SYNJ2: variants seen among roughly 807,000 people sequenced by gnomAD.
SYNJ2 encodes the protein synaptojanin 2.
SYNJ2 carries 116 observed loss-of-function variants against 141.3 expected under a neutral mutation model. The ratio of observed to expected loss-of-function variants is 0.82; its 90% confidence interval spans 0.71 to 0.96. The LOEUF is 0.96. Among genes scored for constraint, SYNJ2 ranks in the 40% least tolerant of loss-of-function variants. The pLI is 0.00. For missense variants in SYNJ2, 1,873 were observed against 1,934.8 expected (o/e 0.97, Z 0.60); for synonymous variants, 745 against 777.7 (o/e 0.96, Z 0.70).
At chr6:158,061,253 A>G (rs539134904) in intron 7 of SYNJ2, among the ~76,000 whole-genome samples, 10 of 152,364 alleles carry the variant, frequency 6.6e-5, no homozygotes, top group African/African-American at 2.2e-4. Context: ...GCATGAGTGC[A>G]GGGTGAGAGG....
Position 158,070,156 on chromosome 6 carries a change from C to A in SYNJ2, c.1940+483C>A. On this transcript the variant is annotated intron_variant, in intron 14 of 26. Transcript: ENST00000355585. The surrounding 1 kb of genome is among the most constrained non-coding windows in gnomAD (Gnocchi z 4.0). Reference sequence around the variant, plus strand: ...AGAAAGGGGGCGAGCTTAGGGGCGGCATTCCTCTTGGGGTGTGGGTGTGGG... The same window carrying A: ...AGAAAGGGGGCGAGCTTAGGGGCGGAATTCCTCTTGGGGTGTGGGTGTGGG... The A allele has an allele frequency of 1.0e-6, 1 of 985,850 alleles. No homozygotes were observed. The allele number at this position is 985,850 out of a possible 1,614,324, so 61.1% of individuals were successfully genotyped here.
intron 6 of SYNJ2, among the ~76,000 whole-genome samples, chr6:158,057,765 CGGT>C (rs1562364905): frequency 6.6e-6 from 1 of 152,182 alleles, no homozygotes; most frequent in East Asian, 1.9e-4. Flanking sequence ...TGTGTGGCCA[CGGT>C]GGGCTCCCTC....
In SYNJ2 at chr6:158,083,996, C is replaced by T. The variant is rs1782873928; in HGVS notation, c.3035-5C>T. On this transcript the variant is annotated splice_region_variant and splice_polypyrimidine_tract_variant and intron_variant, in intron 21 of 26. Transcript: ENST00000355585. ...CCCGAATTGTGATTCATTTCCTTCT[C>T]CCAGGGGATATTCTTGAAGACGATG... 6 of 1,614,000 alleles carry T rather than the reference C, an allele frequency of 3.7e-6. No homozygotes were observed. In the East Asian group the frequency reaches 1.1e-4, roughly 30 times the overall value.
At chr6:158,089,331 C>A (rs1262117788) in intron 24 of SYNJ2, among the ~76,000 whole-genome samples, 1 of 151,990 alleles carries the variant, frequency 6.6e-6, no homozygotes, top group African/African-American at 2.4e-5. Flanking sequence ...TAGGGGGAAA[C>A]TGCTATGACC....
chr6:157,991,229 G>A (rs1177020539), intron 1 of SYNJ2, among the ~76,000 whole-genome samples: 2 of 152,154 alleles, frequency 1.3e-5, no homozygotes, highest in Admixed American at 6.5e-5. Flanking sequence ...GGTGAGGGAC[G>A]AACCTTAAGG....
At chr6:157,995,230 G>A (rs945121495) in intron 1 of SYNJ2, among the ~76,000 whole-genome samples, 1 of 152,170 alleles carries the variant, frequency 6.6e-6, no homozygotes. Context: ...TCTGTCTTGG[G>A]CAACATCTTC....
In SYNJ2 at chr6:158,098,796, A is replaced by T. The variant is rs1783914960; in HGVS notation, c.*2432A>T. ...TGGTGCAGTTCACGCAGACTGGTTTAGGTACTTCACAACTCACCATTGTCT... is the reference window on the plus strand; with the variant it reads ...TGGTGCAGTTCACGCAGACTGGTTTTGGTACTTCACAACTCACCATTGTCT... On this transcript the variant is annotated 3_prime_UTR_variant, in exon 27 of 27. Coordinates refer to ENST00000355585, the MANE Select transcript of SYNJ2 (RefSeq NM_003898.4). 2.0e-5 allele frequency: 3 copies of T among 152,180 alleles called. No individual in the cohort carries two copies. Among genetic ancestry groups the T allele is most frequent in the Admixed American group, 2.0e-4 (3 of 15,270 alleles). The allele number at this position is 152,180 out of a possible 1,614,324, so 9.4% of individuals were successfully genotyped here.
rs757299332 is a variant in SYNJ2 at position 158,066,701 on chromosome 6, C to T, written c.1717+66C>T. On this transcript the variant is annotated intron_variant, in intron 12 of 26. Coordinates refer to ENST00000355585, the MANE Select transcript of SYNJ2 (RefSeq NM_003898.4). ...CCTAACCTGACATGTCACGCTTGAC[C>T]CTTTAGTGGCCATCGTCTTGTGGAA... 3.9e-6 allele frequency: 6 copies of T among 1,544,746 alleles called. No individual in the cohort carries two copies. The African/African-American group carries it at 7.1e-5, about 18-fold the overall frequency.
Position 158,095,952 on chromosome 6 carries a change from CTTACAATAGCAG to C in SYNJ2, c.4081_4092del (p.Tyr1361_Ser1364del). The C allele has an allele frequency of 6.2e-7, 1 of 1,614,076 alleles. No homozygotes were observed. Among genetic ancestry groups the C allele is most frequent in the Non-Finnish European group, 8.5e-7 (1 of 1,180,018 alleles). On this transcript the variant is annotated inframe_deletion, in exon 27 of 27. Coordinates refer to ENST00000355585, the MANE Select transcript of SYNJ2 (RefSeq NM_003898.4). ...AACAGCCAGCTTCTCCAGGGCCTCA[CTTACAATAGCAG>C]TGACAGCCCCTCTGGGCACCCACCT...
chr6:158,059,494 G>A lies in SYNJ2; in HGVS notation c.954+141G>A, dbSNP rs74529529. On this transcript the variant is annotated intron_variant, in intron 7 of 26. Transcript: ENST00000355585. ...TTTCCTGAGGCTTCCCCAGCATTCC[G>A]ACCAGTGAACACGGCAGTGCTCAGT... 1.1e-3 allele frequency: 1,640 copies of A among 1,467,018 alleles called. 25 individuals are homozygous for A. The East Asian group carries it at 0.036, about 33-fold the overall frequency. 90.9% of individuals were successfully genotyped at this position (1,467,018 alleles called of 1,614,324 possible).
chr6:157,993,737 A>G (rs1188898938), intron 1 of SYNJ2, among the ~76,000 whole-genome samples: 1 of 87,184 alleles, frequency 1.1e-5, no homozygotes, highest in Non-Finnish European at 2.2e-5. Context: ...TTTTTTTTTA[A>G]GTAACCTGGA....
rs1455764521 is a variant in SYNJ2, at chr6:158,027,070, C to G, written c.215-1686C>G. The G allele has an allele frequency of 6.1e-6, 6 of 985,394 alleles. No individual in the cohort carries two copies. Among genetic ancestry groups the G allele is most frequent in the Non-Finnish European group, 7.2e-6 (6 of 829,926 alleles). 61.0% of individuals were successfully genotyped at this position (985,394 alleles called of 1,614,324 possible). A position where few individuals can be genotyped will look rare whatever the true frequency, so the allele number is the denominator to read the frequency against. ...CCCCACCCCATGGCATAGCAGCAGG[C>G]CCCTGGGAGCCCTGAGCGCTCATTA... is the stretch of plus-strand genomic sequence containing the variant. On this transcript the variant is annotated intron_variant, in intron 2 of 26. Coordinates refer to ENST00000355585, the MANE Select transcript of SYNJ2 (RefSeq NM_003898.4). This position sits in a 1 kb window ranked among gnomAD's most constrained non-coding sequence, Gnocchi z 4.6.
intron 12 of SYNJ2, among the ~76,000 whole-genome samples, chr6:158,068,142 A>T (rs1376568285): frequency 5.5e-5 from 3 of 54,722 alleles, no homozygotes; most frequent in African/African-American, 1.5e-4. Context: ...GTTTTATTTA[A>T]AAAAAAAAAA....
At chr6:158,074,858 T>A (rs906774851) in intron 16 of SYNJ2, 120 bp downstream of exon 16, 4 of 1,230,786 alleles carry the variant, frequency 3.2e-6, no homozygotes, top group African/African-American at 1.5e-5. Flanking sequence ...TTTCCAACAT[T>A]GTAGAAAATA....
intron 1 of SYNJ2, among the ~76,000 whole-genome samples, chr6:158,003,434 T>G (rs547879347): frequency 6.6e-6 from 1 of 152,318 alleles, no homozygotes; most frequent in South Asian, 2.1e-4. Context: ...CTGATAACTC[T>G]GGAAGGAGCA....
At chr6:158,000,550 C>T (rs1777807045) in intron 1 of SYNJ2, among the ~76,000 whole-genome samples, 1 of 152,150 alleles carries the variant, frequency 6.6e-6, no homozygotes, top group South Asian at 2.1e-4. Flanking sequence ...CAAACAACAA[C>T]AAATAAATCA....
chr6:158,073,632 T>C (rs9459300), intron 15 of SYNJ2, among the ~76,000 whole-genome samples: 28,042 of 152,236 alleles, frequency 0.18, 2,911 homozygotes, highest in East Asian at 0.27. Flanking sequence ...TCAGTATCCA[T>C]GTGGCCAGTG....
rs570755607 is a variant in SYNJ2, at chr6:158,050,471, G to T, written c.796-4496G>T. Among the ~76,000 whole-genome samples, 4 of 152,360 alleles carry T rather than the reference G, an allele frequency of 2.6e-5. No individual in the cohort carries two copies. The South Asian group carries it at 8.3e-4, about 32-fold the overall frequency. On this transcript the variant is annotated intron_variant, in intron 5 of 26. Transcript: ENST00000355585. ...CTTCTTAGTTCTCTGAGGTAGAAAGGTTTGTTGTCAGCAGTGATACTGGAC... is the reference window on the plus strand; with the variant it reads ...CTTCTTAGTTCTCTGAGGTAGAAAGTTTTGTTGTCAGCAGTGATACTGGAC...
At chr6:158,045,270 G>C (rs1226663998) in intron 5 of SYNJ2, among the ~76,000 whole-genome samples, 1 of 151,966 alleles carries the variant, frequency 6.6e-6, no homozygotes, top group African/African-American at 2.4e-5. Context: ...ACCACACCCA[G>C]CTAATTTTGT....
Sources: allele counts gnomAD v4.1 joint callset (sites outside exome capture counted in the v4.1 genomes callset), GRCh38; gene constraint gnomAD v4.1.1; non-coding constraint Gnocchi (gnomAD v3.1); transcripts MANE v1.5; gene names NCBI Gene and HGNC (gene_info 2026-07-23, HGNC 2026-07-21).